DBT: variants seen among roughly 807,000 people sequenced by gnomAD.
The protein encoded by DBT is lipoamide acyltransferase component of branched-chain alpha-keto acid dehydrogenase complex, mitochondrial.
In DBT, 40 loss-of-function variants were observed where a neutral mutation model predicts 51.3. That is an observed-to-expected ratio of 0.78 (90% confidence interval 0.61 to 1.02). The LOEUF (loss-of-function observed/expected upper bound fraction) is 1.02, where lower values mean the gene tolerates loss of function less well. DBT is among the 50% of genes least tolerant of loss of function. DBT has a pLI of 0.00. For synonymous variants in DBT, 181 were observed against 190.4 expected (o/e 0.95, Z 0.41); for missense variants, 510 against 580.2 (o/e 0.88, Z 1.24).
At chr1:100,236,011 CT>C (rs1436498502) in intron 2 of DBT, among the ~76,000 whole-genome samples, 3 of 152,124 alleles carry the variant, frequency 2.0e-5, no homozygotes, top group African/African-American at 7.2e-5. Context: ...TTTGTCCAAA[CT>C]TATGTTCTGC....
chr1:100,213,557 T>C (rs1276984653), intron 7 of DBT: 1 of 1,577,908 alleles, frequency 6.3e-7, no homozygotes, highest in Non-Finnish European at 8.7e-7. Flanking sequence ...GCTGCAGGAC[T>C]GCTTCACCTT....
chr1:100,239,990 A>G (rs1350794084), intron 2 of DBT, among the ~76,000 whole-genome samples: 1 of 152,174 alleles, frequency 6.6e-6, no homozygotes, highest in South Asian at 2.1e-4. Flanking sequence ...TAGTGTAACA[A>G]AAGTCTAGGG....
At chr1:100,242,964 G>C (rs936945062) in intron 1 of DBT, among the ~76,000 whole-genome samples, 2 of 152,026 alleles carry the variant, frequency 1.3e-5, no homozygotes, top group South Asian at 2.1e-4. Flanking sequence ...CCCATGTGCT[G>C]AGTACTTTCT....
chr1:100,212,433 G>C (rs535651485), intron 7 of DBT, among the ~76,000 whole-genome samples: 1 of 152,120 alleles, frequency 6.6e-6, no homozygotes, highest in East Asian at 1.9e-4. Flanking sequence ...AGCTTCTCGG[G>C]AGGCTGAGGC....
At chr1:100,240,660 A>G (rs1327138096) in intron 2 of DBT, 101 bp downstream of exon 2, 1 of 978,360 alleles carries the variant, frequency 1.0e-6, no homozygotes, top group Non-Finnish European at 1.6e-6. Context: ...ATACAGAGTC[A>G]ACTTTTTTTT....
intron 1 of DBT, among the ~76,000 whole-genome samples, chr1:100,246,181 C>T (rs1174459252): frequency 1.3e-5 from 2 of 152,076 alleles, no homozygotes; most frequent in Non-Finnish European, 2.9e-5. Context: ...TCGCTTGAAC[C>T]CGGGAGGCGG....
chr1:100,224,911 C>G (rs2100815245), intron 4 of DBT, among the ~76,000 whole-genome samples: 1 of 149,720 alleles, frequency 6.7e-6, no homozygotes, highest in African/African-American at 2.5e-5. Context: ...CCCAGCTACT[C>G]AGGAGGCTGA....
rs1018495726 is a variant in DBT, at chr1:100,188,493, C to T, written c.*7762G>A. The T allele has an allele frequency of 3.5e-4, 53 of 151,968 alleles. No individual in the cohort carries two copies. The highest frequency in any genetic ancestry group is 1.2e-3 in the African/African-American group (48 of 41,344). The allele number at this position is 151,968 out of a possible 1,614,324, so 9.4% of individuals were successfully genotyped here. A position where few individuals can be genotyped will look rare whatever the true frequency, so the allele number is the denominator to read the frequency against. The stretch of plus-strand genomic sequence containing the variant: ...ACACTTGAAGTTAAATAGCTTTTTC[C>T]AAGTTTAATACAGTTTGATGGCTCT... On this transcript the variant is annotated 3_prime_UTR_variant, in exon 11 of 11. Transcript: ENST00000370132.
intron 2 of DBT, among the ~76,000 whole-genome samples, chr1:100,236,632 C>T (rs1663884968): frequency 6.6e-6 from 1 of 152,142 alleles, no homozygotes; most frequent in South Asian, 2.1e-4. Context: ...AATGGTTTAG[C>T]ATTAACAATC....
chr1:100,249,501 A>G (rs1664781461), intron 1 of DBT, among the ~76,000 whole-genome samples: 1 of 152,182 alleles, frequency 6.6e-6, no homozygotes, highest in African/African-American at 2.4e-5. Context: ...AAGGCGCTCA[A>G]TAAAACGCTA....
chr1:100,208,763 C>G (rs370704009), intron 8 of DBT, among the ~76,000 whole-genome samples: 25 of 149,948 alleles, frequency 1.7e-4, no homozygotes, highest in African/African-American at 5.1e-4. Context: ...CAAAAATTAG[C>G]TGGGCATGGT....
chr1:100,225,040 A>AT lies in DBT; in HGVS notation c.433+5692_433+5693insA, dbSNP rs1391224525. On this transcript the variant is annotated intron_variant, in intron 4 of 10. Coordinates refer to ENST00000370132, the MANE Select transcript of DBT (RefSeq NM_001918.5). Reference sequence around the variant, plus strand: ...CTCCCCCCAAAAAAAAAAAAAAAAAAAAATATATATATACACACACACACA... The same window carrying AT: ...CTCCCCCCAAAAAAAAAAAAAAAAAATAAATATATATATACACACACACACA... 5.3e-4 allele frequency among the ~76,000 whole-genome samples: 57 copies of AT among 106,722 alleles called. 6 individuals carry two copies. The highest frequency in any genetic ancestry group is 2.1e-3 in the African/African-American group (51 of 24,532). The allele number at this position is 106,722 out of a possible 152,430, so 70.0% of individuals were successfully genotyped here. A position where few individuals can be genotyped will look rare whatever the true frequency, so the allele number is the denominator to read the frequency against.
At chr1:100,243,016 A>C (rs913905154) in intron 1 of DBT, among the ~76,000 whole-genome samples, 12 of 151,990 alleles carry the variant, frequency 7.9e-5, no homozygotes. Flanking sequence ...CTGTAATCCC[A>C]TCACTTTGGG....
intron 1 of DBT, among the ~76,000 whole-genome samples, 168 bp downstream of exon 1, chr1:100,249,602 C>T (rs1338313560): frequency 6.6e-6 from 1 of 152,158 alleles, no homozygotes; most frequent in Non-Finnish European, 1.5e-5. Flanking sequence ...CCACTCCAGA[C>T]TGGTCGACTC....
At chr1:100,201,396 G>A (rs1003700908) in intron 10 of DBT, among the ~76,000 whole-genome samples, 3 of 152,064 alleles carry the variant, frequency 2.0e-5, no homozygotes, top group African/African-American at 7.2e-5. Flanking sequence ...AGAAATATGA[G>A]ACTATGTGAA....
Position 100,191,545 on chromosome 1 carries a change from T to C in DBT, c.*4710A>G, listed in dbSNP as rs1277108309. 2.6e-5 allele frequency: 4 copies of C among 152,176 alleles called. No individual in the cohort carries two copies. The highest frequency in any genetic ancestry group is 4.8e-5 in the African/African-American group (2 of 41,426). 9.4% of individuals were successfully genotyped at this position (152,176 alleles called of 1,614,324 possible). On this transcript the variant is annotated 3_prime_UTR_variant, in exon 11 of 11. Coordinates refer to ENST00000370132, the MANE Select transcript of DBT (RefSeq NM_001918.5). ...TTACTTTACATAGTTAACTTCCTTTTTAATCTGCCCATAAAAAAATTCTCC... is the reference window on the plus strand; with the variant it reads ...TTACTTTACATAGTTAACTTCCTTTCTAATCTGCCCATAAAAAAATTCTCC...
intron 5 of DBT, 45 bp from the exon 6 acceptor site, chr1:100,216,244 A>C: frequency 2.2e-6 from 3 of 1,341,800 alleles, no homozygotes. Flanking sequence ...ACTATTTAAA[A>C]ACATCATTAA....
intron 7 of DBT, chr1:100,211,003 T>G (rs1180674020): frequency 1.4e-5 from 11 of 783,570 alleles, no homozygotes; most frequent in Non-Finnish European, 6.6e-6. Flanking sequence ...AGGTAGCTTG[T>G]AAACATCAAG....
At chr1:100,215,945 G>A (rs1016845137) in intron 6 of DBT, 38 bp downstream of exon 6, 4 of 1,231,682 alleles carry the variant, frequency 3.2e-6, no homozygotes, top group Non-Finnish European at 2.4e-6. Flanking sequence ...CAAAATAAAT[G>A]AACTATTGCC....
Sources: allele counts gnomAD v4.1 joint callset (sites outside exome capture counted in the v4.1 genomes callset), GRCh38; gene constraint gnomAD v4.1.1; transcripts MANE v1.5; gene names NCBI Gene and HGNC (gene_info 2026-07-23, HGNC 2026-07-21).